The following EPB41L4B variants were observed in gnomAD, a reference collection of about 807,000 sequenced individuals.
The protein encoded by EPB41L4B is erythrocyte membrane protein band 4.1 like 4B.
A neutral mutation model predicts 112.5 loss-of-function variants in EPB41L4B; 30 were observed. The observed-to-expected ratio is 0.27, with a 90% CI of 0.20 to 0.36. EPB41L4B has a LOEUF of 0.36. Among genes scored for constraint, EPB41L4B ranks in the 10% least tolerant of loss-of-function variants. The pLI, the probability that EPB41L4B is intolerant of heterozygous loss-of-function variation, is 1.00. For synonymous variants in EPB41L4B, 408 were observed against 439.7 expected (o/e 0.93, Z 0.90); for missense variants, 1,024 against 1,133.3 (o/e 0.90, Z 1.38).
At chr9:109,279,965 C>G (rs1256688686) in intron 1 of EPB41L4B, 44 bp from the exon 2 acceptor site, 4 of 1,470,412 alleles carry the variant, frequency 2.7e-6, no homozygotes, top group Non-Finnish European at 3.7e-6. Flanking sequence ...GGTGAGACAG[C>G]TAGATAAGAA....
chr9:109,199,709 T>C (rs1331202302), intron 20 of EPB41L4B, among the ~76,000 whole-genome samples: 1 of 152,164 alleles, frequency 6.6e-6, no homozygotes, highest in East Asian at 1.9e-4. Flanking sequence ...GTGCGTAGGT[T>C]ACAAAAGACT....
At position 109,320,472 on chromosome 9, in the gene EPB41L4B, C is replaced by T; in HGVS notation, c.-26G>A. The T allele has an allele frequency of 1.0e-6, 1 of 975,832 alleles. No individual in the cohort carries two copies. Among genetic ancestry groups the T allele is most frequent in the African/African-American group, 1.8e-5 (1 of 54,258 alleles). 60.4% of individuals were successfully genotyped at this position (975,832 alleles called of 1,614,324 possible). A position where few individuals can be genotyped will look rare whatever the true frequency, so the allele number is the denominator to read the frequency against. ...CCTGGCTGGGGGCGCCCCCTGCCTC[C>T]GCCCCCTGCGCTGCCGCTGCCGCTG... On this transcript the variant is annotated 5_prime_UTR_variant, in exon 1 of 26. Coordinates refer to ENST00000374566, the MANE Select transcript of EPB41L4B (RefSeq NM_019114.5).
chr9:109,256,169 A>T lies in EPB41L4B; in HGVS notation c.896T>A (p.Phe299Tyr). The T allele has an allele frequency of 6.2e-7, 1 of 1,614,150 alleles. No individual in the cohort carries two copies. Among genetic ancestry groups the T allele is most frequent in the Non-Finnish European group, 8.5e-7 (1 of 1,180,004 alleles). Residue 299 changes from phenylalanine to tyrosine, a missense_variant, in exon 9 of 26, where the codon TTT becomes TAT. By Grantham distance (22) the Phe-to-Tyr change is conservative. Transcript: ENST00000374566. ...TAAGCCTATTTTGTTAGCTCCTTCA[A>T]AGATTAATATGCCTGTCGGGGTCAG... ...LGLTPTGILI[F>Y]EGANKIGLFF... is the part of the protein sequence containing the mutation.
chr9:109,254,648 C>T (rs1318421084), intron 11 of EPB41L4B, among the ~76,000 whole-genome samples: 1 of 152,178 alleles, frequency 6.6e-6, no homozygotes, highest in Non-Finnish European at 1.5e-5. Flanking sequence ...TACACATACA[C>T]ACACATGCAT....
intron 12 of EPB41L4B, among the ~76,000 whole-genome samples, chr9:109,253,042 G>A (rs752299563): frequency 5.3e-5 from 8 of 152,226 alleles, no homozygotes; most frequent in African/African-American, 9.6e-5. Flanking sequence ...GTACTTGTAC[G>A]TGGTCAGAAT....
chr9:109,185,724 C>T, intron 22 of EPB41L4B, 119 bp from the exon 23 acceptor site: 2 of 704,062 alleles, frequency 2.8e-6, no homozygotes, highest in Non-Finnish European at 2.2e-6. Context: ...GATCTGGCAA[C>T]TCCAGACTGT....
chr9:109,309,834 G>A (rs927567545), intron 1 of EPB41L4B, among the ~76,000 whole-genome samples: 1 of 152,058 alleles, frequency 6.6e-6, no homozygotes, highest in African/African-American at 2.4e-5. Flanking sequence ...ACTGGGGGAA[G>A]GTAGAGACTA....
intron 15 of EPB41L4B, among the ~76,000 whole-genome samples, chr9:109,225,556 G>A (rs1277012340): frequency 6.6e-6 from 1 of 152,198 alleles, no homozygotes; most frequent in Non-Finnish European, 1.5e-5. Flanking sequence ...CCACAGTAGG[G>A]GGGAAACTTC....
intron 4 of EPB41L4B, 136 bp from the exon 5 acceptor site, chr9:109,265,160 G>C (rs1835353887): frequency 3.0e-6 from 2 of 663,764 alleles, no homozygotes; most frequent in South Asian, 2.2e-5. Flanking sequence ...AATCAAATGA[G>C]AACTTTGGTG....
chr9:109,259,772 T>C (rs932399590), intron 6 of EPB41L4B, among the ~76,000 whole-genome samples: 2 of 152,186 alleles, frequency 1.3e-5, no homozygotes, highest in Non-Finnish European at 2.9e-5. Flanking sequence ...ACCACAAATT[T>C]AGTTCCCAAA....
chr9:109,273,023 T>C (rs1835683261), intron 2 of EPB41L4B, among the ~76,000 whole-genome samples: 1 of 152,086 alleles, frequency 6.6e-6, no homozygotes, highest in Non-Finnish European at 1.5e-5. Context: ...CTTCTCTGCC[T>C]GTGGGGGGAT....
chr9:109,223,672 C>T (rs779936277), intron 15 of EPB41L4B, among the ~76,000 whole-genome samples: 1 of 152,050 alleles, frequency 6.6e-6, no homozygotes, highest in Admixed American at 6.6e-5. Flanking sequence ...AGAAATGGAG[C>T]CCCTCAGATA....
rs181500686 is a variant in EPB41L4B at position 109,238,317 on chromosome 9, G to A, written c.1409+5301C>T. ...CAAACGAGAACACAGCTGACACACT[G>A]AGTAATATTCAGATGATGAAACTGA... On this transcript the variant is annotated intron_variant, in intron 15 of 25. Coordinates refer to ENST00000374566, the MANE Select transcript of EPB41L4B (RefSeq NM_019114.5). Among the ~76,000 whole-genome samples the A allele has an allele frequency of 3.3e-5, 5 of 152,296 alleles. No individual in the cohort carries two copies. The East Asian group carries it at 9.6e-4, about 29-fold the overall frequency.
chr9:109,311,484 A>G (rs1396646893), intron 1 of EPB41L4B, among the ~76,000 whole-genome samples: 1 of 152,196 alleles, frequency 6.6e-6, no homozygotes, highest in African/African-American at 2.4e-5. Flanking sequence ...TGGGTAACAA[A>G]GAAGCACCGG....
chr9:109,319,761 T>A (rs1347865301), intron 1 of EPB41L4B, among the ~76,000 whole-genome samples: 3 of 151,866 alleles, frequency 2.0e-5, no homozygotes, highest in African/African-American at 7.3e-5. Context: ...TAACCCAGTA[T>A]CAGGAAGACC....
intron 1 of EPB41L4B, among the ~76,000 whole-genome samples, chr9:109,310,977 C>G (rs1837393979): frequency 6.6e-6 from 1 of 152,084 alleles, no homozygotes; most frequent in Admixed American, 6.6e-5. Context: ...ATATGGGGTA[C>G]CTAGAGTAGC....
chr9:109,319,281 G>A (rs1181602049), intron 1 of EPB41L4B, among the ~76,000 whole-genome samples: 1 of 152,210 alleles, frequency 6.6e-6, no homozygotes, highest in Non-Finnish European at 1.5e-5. Context: ...GCTGGCGCGG[G>A]GCGGGGGTGC....
At chr9:109,269,021 T>C (rs76137352) in intron 2 of EPB41L4B, among the ~76,000 whole-genome samples, 4,364 of 152,120 alleles carry the variant, frequency 0.029, 198 homozygotes, top group African/African-American at 0.09. Flanking sequence ...CCTTAACCAA[T>C]TGATCAGCAG....
chr9:109,278,124 A>G (rs1268266625), intron 2 of EPB41L4B, among the ~76,000 whole-genome samples: 5 of 152,284 alleles, frequency 3.3e-5, no homozygotes, highest in Admixed American at 1.3e-4. Flanking sequence ...CCCAACCTCA[A>G]AGGAAGCGGA....
Sources: allele counts gnomAD v4.1 joint callset (sites outside exome capture counted in the v4.1 genomes callset), GRCh38; gene constraint gnomAD v4.1.1; transcripts MANE v1.5; gene names NCBI Gene and HGNC (gene_info 2026-07-23, HGNC 2026-07-21).